UNKL: variants seen among roughly 807,000 people sequenced by gnomAD.
UNKL encodes the protein unk like zinc finger.
UNKL carries 60 observed loss-of-function variants against 78.0 expected under a neutral mutation model. That is an observed-to-expected ratio of 0.77 (90% CI 0.63 to 0.95). UNKL has a LOEUF of 0.95. UNKL is among the 40% of genes least tolerant of loss of function. The pLI is 0.00. For synonymous variants in UNKL, 608 were observed against 474.8 expected (o/e 1.28, Z -3.65); for missense variants, 1,159 against 1,045.7 (o/e 1.11, Z -1.49).
rs2037109937 is a variant in UNKL, at chr16:1,392,972, G to A, written c.942C>T (p.Ser314=). 6.5e-7 allele frequency: 1 copy of A among 1,550,368 alleles called. No homozygotes were observed. Among genetic ancestry groups the A allele is most frequent in the East Asian group, 2.4e-5 (1 of 40,934 alleles). The change falls in exon 8 of 15, where the codon AGC becomes AGT. Residue 314 remains serine (S), a synonymous_variant. Coordinates refer to ENST00000389221, the MANE Select transcript of UNKL (RefSeq NM_001372107.1). ...AGCCCCATTCATTCACCATCCCCAG[G>A]CTCTCTGCAAGGACAGGGGAGCAGC... ...PFCAFAHVEK[S]LGMVNEWGCH... is the part of the protein sequence containing the mutation.
chr16:1,370,452 G>A (rs2035710712), intron 11 of UNKL, 95 bp from the exon 12 acceptor site: 17 of 1,471,850 alleles, frequency 1.2e-5, no homozygotes, highest in Non-Finnish European at 1.5e-5. Flanking sequence ...GACCCTGCAG[G>A]TGGTGGTGGT....
At chr16:1,388,792 A>G (rs1304897518) in intron 9 of UNKL, among the ~76,000 whole-genome samples, 1 of 150,936 alleles carries the variant, frequency 6.6e-6, no homozygotes, top group Non-Finnish European at 1.5e-5. Flanking sequence ...CGTTCACACC[A>G]TGAGGACACC....
chr16:1,391,750 CG>C lies in UNKL; in HGVS notation c.1024-1057del, dbSNP rs577404327. 1.7e-3 allele frequency among the ~76,000 whole-genome samples: 258 copies of C among 152,264 alleles called. 3 individuals are homozygous for C. The highest frequency in any genetic ancestry group is 5.4e-3 in the African/African-American group (223 of 41,562). Reference sequence around the variant, plus strand: ...TCATCCAGGCTGGAGTGCAGTGGCGCGATCTCAGCTCACTGCAAGCTCCACC... The same window carrying C: ...TCATCCAGGCTGGAGTGCAGTGGCGCATCTCAGCTCACTGCAAGCTCCACC... On this transcript the variant is annotated intron_variant, in intron 8 of 14. Transcript: ENST00000389221.
At chr16:1,394,266 G>GA in intron 6 of UNKL, 51 bp from the exon 7 acceptor site, 1 of 1,535,120 alleles carries the variant, frequency 6.5e-7, no homozygotes, top group Non-Finnish European at 8.8e-7. Context: ...GGATTCTGTG[G>GA]AAAGACCACA....
At position 1,403,490 on chromosome 16, in the gene UNKL, C is replaced by G. The variant is rs1488271777; in HGVS notation, c.288-146G>C. 1 of 1,053,102 alleles carries G rather than the reference C, an allele frequency of 9.5e-7. No individual in the cohort carries two copies. Among genetic ancestry groups the G allele is most frequent in the Non-Finnish European group, 1.3e-6 (1 of 744,714 alleles). The allele number at this position is 1,053,102 out of a possible 1,614,324, so 65.2% of individuals were successfully genotyped here. On this transcript the variant is annotated intron_variant, in intron 2 of 14. Coordinates refer to ENST00000389221, the MANE Select transcript of UNKL (RefSeq NM_001372107.1). This position sits in a 1 kb window ranked among gnomAD's most constrained non-coding sequence, Gnocchi z 4.8. ...TTCCTGTTCTAATCAGAAGGACGGA[C>G]ACACTGGACGCAGCACCTGTCCCCA...
At chr16:1,410,122 C>T (rs759953743) in intron 2 of UNKL, among the ~76,000 whole-genome samples, 5 of 152,030 alleles carry the variant, frequency 3.3e-5, no homozygotes, top group African/African-American at 9.7e-5. Context: ...GCTTTCTCGC[C>T]GGGTGCAGGG....
At chr16:1,404,957 G>A (rs2037682568) in intron 2 of UNKL, among the ~76,000 whole-genome samples, 1 of 152,122 alleles carries the variant, frequency 6.6e-6, no homozygotes, top group Non-Finnish European at 1.5e-5. Flanking sequence ...ACTTTGGGGG[G>A]CAGAGACAGG....
At chr16:1,372,745 T>C (rs2035958502) in intron 10 of UNKL, among the ~76,000 whole-genome samples, 1 of 152,132 alleles carries the variant, frequency 6.6e-6, no homozygotes, top group Non-Finnish European at 1.5e-5. Flanking sequence ...AGCTCTGGGA[T>C]ACACCCTGTG....
rs1018283678 is a variant in UNKL at position 1,363,352 on chromosome 16, C to G, written c.*2888G>C. 3 of 475,126 alleles carry G rather than the reference C, an allele frequency of 6.3e-6. No homozygotes were observed. The highest frequency in any genetic ancestry group is 1.2e-5 in the Non-Finnish European group (3 of 259,364). The allele number at this position is 475,126 out of a possible 1,614,324, so 29.4% of individuals were successfully genotyped here. A position where few individuals can be genotyped will look rare whatever the true frequency, so the allele number is the denominator to read the frequency against. On this transcript the variant is annotated 3_prime_UTR_variant, in exon 15 of 15. Transcript: ENST00000389221. ...TACAAGTAAATGATTATAAATACTA[C>G]CTTCTGGGTTAAGAAAATTCCATTC...
intron 12 of UNKL, among the ~76,000 whole-genome samples, chr16:1,368,706 G>C (rs186778448): frequency 6.7e-6 from 1 of 148,274 alleles, no homozygotes; most frequent in African/African-American, 2.5e-5. Flanking sequence ...TTTGAGACCA[G>C]TATGGCCAAC....
At chr16:1,382,929 G>A (rs918721253) in intron 10 of UNKL, among the ~76,000 whole-genome samples, 2 of 151,280 alleles carry the variant, frequency 1.3e-5, no homozygotes, top group African/African-American at 4.9e-5. Flanking sequence ...CTGCCCTCCA[G>A]TCTGGGTGAC....
At chr16:1,377,885 C>A (rs560773716) in intron 10 of UNKL, among the ~76,000 whole-genome samples, 1 of 152,064 alleles carries the variant, frequency 6.6e-6, no homozygotes, top group African/African-American at 2.4e-5. Flanking sequence ...ACCCACACCC[C>A]CTGAGGCCCA....
intron 10 of UNKL, chr16:1,378,802 C>T (rs1455377847): frequency 6.6e-6 from 1 of 152,200 alleles, no homozygotes; most frequent in African/African-American, 2.4e-5. Context: ...GTCCTGGAGG[C>T]TCCACCACCC....
chr16:1,367,495 TCCCTCC>T, intron 13 of UNKL, 146 bp from the exon 14 acceptor site: 1 of 97,000 alleles, frequency 1.0e-5, no homozygotes, highest in Non-Finnish European at 1.5e-5. Context: ...CCTCCCTCCC[TCCCTCC>T]CTCCCTCCCT....
chr16:1,394,280 G>T, intron 6 of UNKL, 65 bp from the exon 7 acceptor site: 2 of 1,511,582 alleles, frequency 1.3e-6, no homozygotes, highest in African/African-American at 2.8e-5. Context: ...GACCACAGCT[G>T]GCATCATCCC....
intron 5 of UNKL, chr16:1,398,653 A>T: frequency 1.4e-6 from 2 of 1,437,778 alleles, no homozygotes; most frequent in Non-Finnish European, 9.1e-7. Context: ...GCCATGGCCC[A>T]GGCATCCAGA....
At chr16:1,366,966 C>G in intron 14 of UNKL, 126 bp downstream of exon 14, 2 of 1,422,532 alleles carry the variant, frequency 1.4e-6, no homozygotes, top group Non-Finnish European at 9.2e-7. Context: ...CTCCTCCTCC[C>G]TAGGCCCGGA....
At position 1,367,653 on chromosome 16, in the gene UNKL, C is replaced by G. The variant is rs1213968109; in HGVS notation, c.1788+3G>C. ...CACCTGTCTGGCCCCCCCACACACTCACCTGCTTCACCTGCTGCCAGGACT... is the reference window on the plus strand; with the variant it reads ...CACCTGTCTGGCCCCCCCACACACTGACCTGCTTCACCTGCTGCCAGGACT... On this transcript the variant is annotated splice_donor_region_variant and intron_variant, in intron 13 of 14. Coordinates refer to ENST00000389221, the MANE Select transcript of UNKL (RefSeq NM_001372107.1). 1.3e-6 allele frequency: 2 copies of G among 1,559,536 alleles called. No homozygotes were observed. Among genetic ancestry groups the G allele is most frequent in the Non-Finnish European group, 1.7e-6 (2 of 1,152,748 alleles).
chr16:1,406,318 T>C (rs979903047), intron 2 of UNKL, among the ~76,000 whole-genome samples: 30 of 151,926 alleles, frequency 2.0e-4, no homozygotes, highest in African/African-American at 7.3e-4. Context: ...GTTTAAGCGA[T>C]TCTCCTGCCT....
Sources: allele counts gnomAD v4.1 joint callset (sites outside exome capture counted in the v4.1 genomes callset), GRCh38; gene constraint gnomAD v4.1.1; non-coding constraint Gnocchi (gnomAD v3.1); transcripts MANE v1.5; gene names NCBI Gene and HGNC (gene_info 2026-07-23, HGNC 2026-07-21).